POLR3H: variants seen among roughly 807,000 people sequenced by gnomAD.
POLR3H encodes DNA-directed RNA polymerase III subunit RPC8.
POLR3H carries 17 observed loss-of-function variants against 25.5 expected under a neutral mutation model. The ratio of observed to expected loss-of-function variants is 0.67; its 90% CI spans 0.46 to 1.00. The LOEUF (loss-of-function observed/expected upper bound fraction) is 1.00. Ranked by LOEUF, POLR3H falls within the 50% of genes least tolerant of loss-of-function variation. The probability of loss-of-function intolerance (pLI) is 0.00; values close to 1 mark genes in which losing one functional copy is unlikely to be tolerated. For synonymous variants in POLR3H, 129 were observed against 103.0 expected (o/e 1.25, Z -1.53); for missense variants, 274 against 265.0 (o/e 1.03, Z -0.24).
chr22:41,529,407 G>A (rs1257606975), intron 5 of POLR3H, 71 bp from the exon 6 acceptor site: 3 of 1,423,916 alleles, frequency 2.1e-6, no homozygotes, highest in Non-Finnish European at 3.0e-6. Context: ...GGAGGTGAAG[G>A]GAGCCCAGCA....
At chr22:41,543,162 G>A (rs762861854) in intron 1 of POLR3H, among the ~76,000 whole-genome samples, 1 of 152,148 alleles carries the variant, frequency 6.6e-6, no homozygotes, top group Non-Finnish European at 1.5e-5. Context: ...ATGTGACACA[G>A]AATACCTGGA....
Position 41,527,575 on chromosome 22 carries a change from G to A in POLR3H, c.*1708C>T, listed in dbSNP as rs971624485. The A allele has an allele frequency of 9.2e-7, 1 of 1,088,064 alleles. No individual in the cohort carries two copies. The highest frequency in any genetic ancestry group is 1.3e-6 in the Non-Finnish European group (1 of 773,824). 67.4% of individuals were successfully genotyped at this position (1,088,064 alleles called of 1,614,324 possible). ...TTGCCCCTTCTTAGGCTCACACAGT[G>A]CACATCCGACGCTCAGCTTCCCGGC... On this transcript the variant is annotated 3_prime_UTR_variant, in exon 6 of 6. Transcript: ENST00000355209.
At position 41,544,115 on chromosome 22, in the gene POLR3H, G is replaced by A; in HGVS notation, c.-14C>T. The A allele has an allele frequency of 1.3e-6, 2 of 1,558,496 alleles. No individual in the cohort carries two copies. Among genetic ancestry groups the A allele is most frequent in the Non-Finnish European group, 1.8e-6 (2 of 1,130,754 alleles). ...CAGGACGAACATCCCGGCCTGCGCTGGGGGCTCTGGGAACAGGAGGGTCAG... is the reference window on the plus strand; with the variant it reads ...CAGGACGAACATCCCGGCCTGCGCTAGGGGCTCTGGGAACAGGAGGGTCAG... On this transcript the variant is annotated 5_prime_UTR_variant, in exon 1 of 6. Transcript: ENST00000355209.
rs2066649972 is a variant in POLR3H, at chr22:41,528,434, A to G, written c.*849T>C. ...CTGACCCCCCTGCGGGGCCAAGGGC[A>G]CACAGTACCCACCACTTCCACCCAC... On this transcript the variant is annotated 3_prime_UTR_variant, in exon 6 of 6. Transcript: ENST00000355209. 2 of 1,603,880 alleles carry G rather than the reference A, an allele frequency of 1.2e-6. No individual in the cohort carries two copies. Among genetic ancestry groups the G allele is most frequent in the South Asian group, 2.2e-5 (2 of 89,918 alleles).
chr22:41,526,514 G>A lies in POLR3H; in HGVS notation c.*2769C>T, dbSNP rs1438756732. On this transcript the variant is annotated 3_prime_UTR_variant, in exon 6 of 6. Coordinates refer to ENST00000355209, the MANE Select transcript of POLR3H (RefSeq NM_001018050.4). Reference sequence around the variant, plus strand: ...ACTCCTGAAGGGGCCTGCAAGGCAGGTGCAGGGAGGACATTAGGGGAGTGG... The same window carrying A: ...ACTCCTGAAGGGGCCTGCAAGGCAGATGCAGGGAGGACATTAGGGGAGTGG... 3 of 1,545,840 alleles carry A rather than the reference G, an allele frequency of 1.9e-6. No homozygotes were observed. Among genetic ancestry groups the A allele is most frequent in the South Asian group, 1.2e-5 (1 of 83,002 alleles).
intron 5 of POLR3H, 72 bp from the exon 6 acceptor site, chr22:41,529,408 G>T: frequency 7.2e-7 from 1 of 1,383,454 alleles, no homozygotes; most frequent in Non-Finnish European, 1.0e-6. Context: ...GAGGTGAAGG[G>T]AGCCCAGCAG....
Position 41,526,951 on chromosome 22 carries a change from TCA to T in POLR3H, c.*2330_*2331del. The T allele has an allele frequency of 2.4e-6, 1 of 409,984 alleles. No homozygotes were observed. The allele number at this position is 409,984 out of a possible 1,614,324, so 25.4% of individuals were successfully genotyped here. A position where few individuals can be genotyped will look rare whatever the true frequency, so the allele number is the denominator to read the frequency against. ...TCCCAGGAAGGGGGCGCCTTGAGCT[TCA>T]CAGATGCATCTTGTGTGGGGCCCGG... is the stretch of plus-strand genomic sequence containing the variant. On this transcript the variant is annotated 3_prime_UTR_variant, in exon 6 of 6. Coordinates refer to ENST00000355209, the MANE Select transcript of POLR3H (RefSeq NM_001018050.4).
At chr22:41,543,139 A>C (rs2145577067) in intron 1 of POLR3H, among the ~76,000 whole-genome samples, 1 of 152,332 alleles carries the variant, frequency 6.6e-6, no homozygotes, top group Middle Eastern at 3.4e-3. Flanking sequence ...AAGTCTAAGA[A>C]GGAAAGAGAG....
At chr22:41,534,720 C>T (rs958417642) in intron 2 of POLR3H, among the ~76,000 whole-genome samples, 127 of 151,994 alleles carry the variant, frequency 8.4e-4, no homozygotes, top group African/African-American at 2.8e-3. Context: ...AGTGAAACCC[C>T]GTCTCTACTA....
intron 1 of POLR3H, 117 bp downstream of exon 1, chr22:41,543,874 G>C (rs773743969): frequency 5.4e-6 from 4 of 744,642 alleles, no homozygotes; most frequent in African/African-American, 1.7e-5. Flanking sequence ...AAAGTTCTGA[G>C]ACATTAAGCT....
At position 41,530,880 on chromosome 22, in the gene POLR3H, G is replaced by A. The variant is rs766381344; in HGVS notation, c.368C>T (p.Ala123Val). Reference protein sequence around the residue: ...SLQQPAKFDEAEQVWVWEYET... With the variant: ...SLQQPAKFDEVEQVWVWEYET... ...GTACTCCCACACCCACACCTGCTCC[G>A]CTTCGTCGCTGAGGGGGTCCAGGGT... The change falls in exon 5 of 6, where the codon GCG becomes GTG. Residue 123 changes from alanine (A) to valine (V), a missense_variant. Ala to Val is a moderately conservative substitution (Grantham distance 64, BLOSUM62 0). Coordinates refer to ENST00000355209, the MANE Select transcript of POLR3H (RefSeq NM_001018050.4). 6.2e-6 allele frequency: 10 copies of A among 1,613,602 alleles called. 1 individual carries two copies. In the Middle Eastern group the frequency reaches 4.9e-4, roughly 80 times the overall value.
In POLR3H at chr22:41,526,588, G is replaced by C. The variant is rs953396361; in HGVS notation, c.*2695C>G. Reference sequence around the variant, plus strand: ...GCCCAAAGGGGACTGCTGTGGAAGGGAGGAGAGGCCTGCAGCCCCTCCCTG... The same window carrying C: ...GCCCAAAGGGGACTGCTGTGGAAGGCAGGAGAGGCCTGCAGCCCCTCCCTG... On this transcript the variant is annotated 3_prime_UTR_variant, in exon 6 of 6. Transcript: ENST00000355209. The C allele has an allele frequency of 3.8e-5, 38 of 994,018 alleles. No individual in the cohort carries two copies. Among genetic ancestry groups the C allele is most frequent in the Admixed American group, 2.0e-4 (7 of 35,608 alleles). The allele number at this position is 994,018 out of a possible 1,614,324, so 61.6% of individuals were successfully genotyped here.
chr22:41,542,084 C>T (rs2066938416), intron 1 of POLR3H, among the ~76,000 whole-genome samples: 1 of 150,690 alleles, frequency 6.6e-6, no homozygotes, highest in Non-Finnish European at 1.5e-5. Flanking sequence ...TATTTTACCC[C>T]TTCTTCTTTT....
rs1000935867 is a variant in POLR3H, at chr22:41,532,150, T to C, written c.303A>G (p.Leu101=). The stretch of plus-strand genomic sequence containing the variant: ...GGATGAGAATGTCATCGAAGAAGCC[T>C]AGAGAGACTGGAAGGAAGGAAGCAG... ...GCSPEGVHVS[L]GFFDDILIPP... The change falls in exon 4 of 6, where the codon CTA becomes CTG. Residue 101 remains leucine, a synonymous_variant. Coordinates refer to ENST00000355209, the MANE Select transcript of POLR3H (RefSeq NM_001018050.4). 10 of 1,613,918 alleles carry C rather than the reference T, an allele frequency of 6.2e-6. No homozygotes were observed. Among genetic ancestry groups the C allele is most frequent in the Non-Finnish European group, 7.6e-6 (9 of 1,179,924 alleles).
Position 41,527,266 on chromosome 22 carries a change from C to T in POLR3H, c.*2017G>A, listed in dbSNP as rs781582204. On this transcript the variant is annotated 3_prime_UTR_variant, in exon 6 of 6. Coordinates refer to ENST00000355209, the MANE Select transcript of POLR3H (RefSeq NM_001018050.4). ...ACGGTGCCCTCCTCTGCCTTATAAC[C>T]TTACCCCCGCTTGCCTGACAGAAAC... is the stretch of plus-strand genomic sequence containing the variant. The T allele has an allele frequency of 6.2e-6, 10 of 1,614,110 alleles. No homozygotes were observed. Among genetic ancestry groups the T allele is most frequent in the Non-Finnish European group, 8.5e-6 (10 of 1,179,986 alleles).
Position 41,529,341 on chromosome 22 carries a change from C to G in POLR3H, c.562-5G>C. 1 of 1,613,652 alleles carries G rather than the reference C, an allele frequency of 6.2e-7. No individual in the cohort carries two copies. Among genetic ancestry groups the G allele is most frequent in the Admixed American group, 1.7e-5 (1 of 60,012 alleles). ...GCCTGGCTCACTGATGGATCCCTGC[C>G]AGGGATAAAGAACACGCACATTTCA... is the stretch of plus-strand genomic sequence containing the variant. On this transcript the variant is annotated splice_region_variant and splice_polypyrimidine_tract_variant and intron_variant, in intron 5 of 5. Coordinates refer to ENST00000355209, the MANE Select transcript of POLR3H (RefSeq NM_001018050.4).
chr22:41,528,371 T>TTA lies in POLR3H; in HGVS notation c.*911_*912insTA. The TTA allele has an allele frequency of 1.3e-6, 2 of 1,482,074 alleles. No individual in the cohort carries two copies. The highest frequency in any genetic ancestry group is 1.8e-6 in the Non-Finnish European group (2 of 1,106,320). The allele number at this position is 1,482,074 out of a possible 1,614,324, so 91.8% of individuals were successfully genotyped here. ...AGACTGGCCTAGGATTTGGTTTGCC[T>TTA]GCTGACCTCTTAGGTCCCCAGGCAG... is the stretch of plus-strand genomic sequence containing the variant. On this transcript the variant is annotated 3_prime_UTR_variant, in exon 6 of 6. Coordinates refer to ENST00000355209, the MANE Select transcript of POLR3H (RefSeq NM_001018050.4).
chr22:41,544,305 C>T lies in POLR3H; in HGVS notation c.-204G>A. 3.9e-6 allele frequency: 2 copies of T among 510,968 alleles called. No homozygotes were observed. The highest frequency in any genetic ancestry group is 3.3e-5 in the East Asian group (1 of 30,092). 31.7% of individuals were successfully genotyped at this position (510,968 alleles called of 1,614,324 possible). A position where few individuals can be genotyped will look rare whatever the true frequency, so the allele number is the denominator to read the frequency against. ...TGAGGAAACTGAGGCCAGAGGGAGG[C>T]ACTCTCCGTCCACAGCTCCGGGTGC... On this transcript the variant is annotated 5_prime_UTR_variant, in exon 1 of 6. Coordinates refer to ENST00000355209, the MANE Select transcript of POLR3H (RefSeq NM_001018050.4).
chr22:41,528,371 T>C lies in POLR3H; in HGVS notation c.*912A>G. Reference sequence around the variant, plus strand: ...AGACTGGCCTAGGATTTGGTTTGCCTGCTGACCTCTTAGGTCCCCAGGCAG... The same window carrying C: ...AGACTGGCCTAGGATTTGGTTTGCCCGCTGACCTCTTAGGTCCCCAGGCAG... On this transcript the variant is annotated 3_prime_UTR_variant, in exon 6 of 6. Coordinates refer to ENST00000355209, the MANE Select transcript of POLR3H (RefSeq NM_001018050.4). The C allele has an allele frequency of 6.7e-7, 1 of 1,482,074 alleles. No individual in the cohort carries two copies. Among genetic ancestry groups the C allele is most frequent in the Middle Eastern group, 2.5e-4 (1 of 4,004 alleles). The allele number at this position is 1,482,074 out of a possible 1,614,324, so 91.8% of individuals were successfully genotyped here.
Sources: allele counts gnomAD v4.1 joint callset (sites outside exome capture counted in the v4.1 genomes callset), GRCh38; gene constraint gnomAD v4.1.1; transcripts MANE v1.5; gene names NCBI Gene and HGNC (gene_info 2026-07-23, HGNC 2026-07-21).